CHD7: variants seen among roughly 807,000 people sequenced by gnomAD.
CHD7 encodes the protein chromodomain helicase DNA binding protein 7.
Under a neutral mutation model 307.3 loss-of-function variants are expected in CHD7, and 24 were observed. That is an observed-to-expected ratio of 0.08 (90% CI 0.06 to 0.11). CHD7 has a LOEUF of 0.11. Among genes scored for constraint, CHD7 ranks in the 10% least tolerant of loss-of-function variants. The pLI is 1.00. For synonymous variants in CHD7, 1,363 were observed against 1,349.9 expected (o/e 1.01, Z -0.21); for missense variants, 3,106 against 3,727.1 (o/e 0.83, Z 4.34).
chr8:60,866,996 C>G lies in CHD7; in HGVS notation c.*1063C>G, dbSNP rs539146593. 6.6e-6 allele frequency: 1 copy of G among 152,172 alleles called. No homozygotes were observed. Among genetic ancestry groups the G allele is most frequent in the East Asian group, 1.9e-4 (1 of 5,178 alleles). 9.4% of individuals were successfully genotyped at this position (152,172 alleles called of 1,614,324 possible). A position where few individuals can be genotyped will look rare whatever the true frequency, so the allele number is the denominator to read the frequency against. On this transcript the variant is annotated 3_prime_UTR_variant, in exon 38 of 38. Coordinates refer to ENST00000423902, the MANE Select transcript of CHD7 (RefSeq NM_017780.4). ...CAAATACAGCATTCTGGCTTTTGTA[C>G]AGTTTCTTGATATATCCTCTTATAC...
At chr8:60,861,347 C>G (rs927020208) in intron 35 of CHD7, 3 of 483,930 alleles carry the variant, frequency 6.2e-6, no homozygotes, top group Non-Finnish European at 1.1e-5. Flanking sequence ...TGAAGATGCG[C>G]GTTATGCATT....
At chr8:60,743,597 T>C (rs569969107) in intron 2 of CHD7, among the ~76,000 whole-genome samples, 1 of 152,178 alleles carries the variant, frequency 6.6e-6, no homozygotes, top group South Asian at 2.1e-4. Flanking sequence ...ACTGTTGACT[T>C]TGTTAGTGTG....
chr8:60,692,857 G>A (rs1306332439), intron 1 of CHD7, among the ~76,000 whole-genome samples: 5 of 152,000 alleles, frequency 3.3e-5, no homozygotes, highest in Non-Finnish European at 4.4e-5. Flanking sequence ...GCATCCTCTG[G>A]GTCTAGTTCA....
At chr8:60,752,893 A>G (rs1476319640) in intron 2 of CHD7, among the ~76,000 whole-genome samples, 1 of 152,254 alleles carries the variant, frequency 6.6e-6, no homozygotes, top group East Asian at 1.9e-4. Context: ...TGATCTTGAC[A>G]TCTTAATGTT....
chr8:60,830,495 C>T lies in CHD7; in HGVS notation c.3696C>T (p.Gly1232=), dbSNP rs774107363. The change falls in exon 15 of 38, where the codon GGC becomes GGT. Residue 1232 remains glycine (G), a synonymous_variant. Transcript: ENST00000423902. ...LEKNFTFLSK[G]GGQANVPNLL... is the part of the protein sequence containing the mutation. ...AGAATTTCACATTTCTTTCCAAAGGCGGTGGTCAAGCTAACGTACCTAACC... is the reference window on the plus strand; with the variant it reads ...AGAATTTCACATTTCTTTCCAAAGGTGGTGGTCAAGCTAACGTACCTAACC... The T allele has an allele frequency of 9.3e-6, 15 of 1,613,798 alleles. No homozygotes were observed. Among genetic ancestry groups the T allele is most frequent in the Admixed American group, 6.7e-5 (4 of 60,002 alleles).
chr8:60,833,090 C>G lies in CHD7; in HGVS notation c.3778+2513C>G, dbSNP rs545193820. 1.8e-3 allele frequency among the ~76,000 whole-genome samples: 279 copies of G among 152,316 alleles called. 1 individual carries two copies. Among genetic ancestry groups the G allele is most frequent in the Non-Finnish European group, 3.1e-3 (210 of 68,024 alleles). On this transcript the variant is annotated intron_variant, in intron 15 of 37. Transcript: ENST00000423902. ...TGCTCCAGGGCCCGTACTGTTCATT[C>G]TCATCCACAGTCTGGAGTAAAAACA...
At chr8:60,681,313 T>C (rs1805616966) in intron 1 of CHD7, among the ~76,000 whole-genome samples, 1 of 152,200 alleles carries the variant, frequency 6.6e-6, no homozygotes, top group Admixed American at 6.5e-5. Context: ...CCAGAGTACA[T>C]CTGTCGCGCA....
chr8:60,831,120 A>G (rs1489500245), intron 15 of CHD7, among the ~76,000 whole-genome samples: 1 of 152,228 alleles, frequency 6.6e-6, no homozygotes, highest in Non-Finnish European at 1.5e-5. Context: ...TCATAGTGTT[A>G]TGTAACTCAT....
chr8:60,729,469 T>C (rs1466236927), intron 1 of CHD7, among the ~76,000 whole-genome samples: 9 of 152,290 alleles, frequency 5.9e-5, no homozygotes, highest in Non-Finnish European at 1.2e-4. Flanking sequence ...TGGGTAGGTA[T>C]AGTATGATGC....
chr8:60,681,164 T>A (rs552175101), intron 1 of CHD7, among the ~76,000 whole-genome samples: 1 of 152,244 alleles, frequency 6.6e-6, no homozygotes, highest in Non-Finnish European at 1.5e-5. Context: ...TTAGTGACTG[T>A]GACCTTAGCA....
At chr8:60,859,266 A>T (rs1805855242) in intron 34 of CHD7, among the ~76,000 whole-genome samples, 1 of 152,224 alleles carries the variant, frequency 6.6e-6, no homozygotes, top group Non-Finnish European at 1.5e-5. Flanking sequence ...GTAGGAAAAG[A>T]TGTAAAGGCC....
chr8:60,853,546 T>A, intron 31 of CHD7, 46 bp downstream of exon 31: 1 of 1,438,228 alleles, frequency 7.0e-7, no homozygotes, highest in Non-Finnish European at 9.3e-7. Context: ...CAGCAGCTGG[T>A]TGTGAGATGC....
At chr8:60,774,825 A>G (rs779217597) in intron 2 of CHD7, among the ~76,000 whole-genome samples, 9 of 152,230 alleles carry the variant, frequency 5.9e-5, no homozygotes, top group Non-Finnish European at 1.3e-4. Context: ...ATGTTATCCC[A>G]GTCAATCTGA....
At chr8:60,840,719 G>A (rs1398826282) in intron 19 of CHD7, among the ~76,000 whole-genome samples, 1 of 151,826 alleles carries the variant, frequency 6.6e-6, no homozygotes, top group Non-Finnish European at 1.5e-5. Context: ...CTGGGTTCAA[G>A]CAATTCTCTT....
chr8:60,799,621 C>T (rs1025644072), intron 4 of CHD7, among the ~76,000 whole-genome samples: 12 of 152,044 alleles, frequency 7.9e-5, no homozygotes, highest in African/African-American at 2.7e-4. Context: ...AGTATTATAA[C>T]AATATTTGTA....
chr8:60,699,464 A>G (rs1286282272), intron 1 of CHD7, among the ~76,000 whole-genome samples: 2 of 152,184 alleles, frequency 1.3e-5, no homozygotes. Context: ...GTTTCTAATC[A>G]CCTAGAGGGA....
chr8:60,696,843 GTT>G (rs577163954), intron 1 of CHD7, among the ~76,000 whole-genome samples: 84 of 138,068 alleles, frequency 6.1e-4, no homozygotes, highest in African/African-American at 2.1e-3. Context: ...AATTTTGCAT[GTT>G]TTTTTTTTTT....
chr8:60,762,581 A>G (rs1010195104), intron 2 of CHD7, among the ~76,000 whole-genome samples: 2 of 152,210 alleles, frequency 1.3e-5, no homozygotes, highest in African/African-American at 2.4e-5. Flanking sequence ...GAGATAATAC[A>G]TGTACTGTGC....
chr8:60,683,875 C>G (rs563001134), intron 1 of CHD7, among the ~76,000 whole-genome samples: 15 of 151,324 alleles, frequency 9.9e-5, no homozygotes, highest in Non-Finnish European at 1.9e-4. Flanking sequence ...AAAGATGTTC[C>G]TAAACCAACA....
Sources: allele counts gnomAD v4.1 joint callset (sites outside exome capture counted in the v4.1 genomes callset), GRCh38; gene constraint gnomAD v4.1.1; transcripts MANE v1.5; gene names NCBI Gene and HGNC (gene_info 2026-07-23, HGNC 2026-07-21).